The following ATP8A2 variants were observed in gnomAD, a reference collection of about 807,000 sequenced individuals.
The protein encoded by ATP8A2 is ATPase phospholipid transporting 8A2, also known as phospholipid-transporting ATPase IB.
In ATP8A2, 100 loss-of-function variants were observed where a neutral mutation model predicts 165.6. The ratio of observed to expected loss-of-function variants is 0.60; its 90% CI spans 0.51 to 0.71. The LOEUF is 0.71. Among genes scored for constraint, ATP8A2 ranks in the 30% least tolerant of loss-of-function variants. ATP8A2 has a pLI of 0.00. For missense variants in ATP8A2, 1,227 were observed against 1,479.5 expected (o/e 0.83, Z 2.80); for synonymous variants, 543 against 548.8 (o/e 0.99, Z 0.15).
intron 35 of ATP8A2, among the ~76,000 whole-genome samples, chr13:25,982,409 C>T (rs987245640): frequency 1.2e-4 from 19 of 152,126 alleles, no homozygotes; most frequent in African/African-American, 3.9e-4. Flanking sequence ...AAAGAGACAC[C>T]GGGGCTGGGT....
At chr13:25,419,814 C>T (rs2034246571) in intron 1 of ATP8A2, among the ~76,000 whole-genome samples, 1 of 151,660 alleles carries the variant, frequency 6.6e-6, no homozygotes, top group South Asian at 2.1e-4. Context: ...TTAAGTGGTG[C>T]AATGTGAATA....
chr13:25,401,687 G>A (rs146129133), intron 1 of ATP8A2, among the ~76,000 whole-genome samples: 271 of 152,196 alleles, frequency 1.8e-3, no homozygotes, highest in Non-Finnish European at 4.0e-4. Flanking sequence ...CACCCAGTAG[G>A]TACCGGAAAC....
At chr13:25,765,058 T>C (rs750080885) in intron 25 of ATP8A2, among the ~76,000 whole-genome samples, 49 of 152,334 alleles carry the variant, frequency 3.2e-4, no homozygotes, top group Non-Finnish European at 6.2e-4. Flanking sequence ...TTCACTAAAG[T>C]GTTATATTTG....
chr13:25,609,534 G>GGGATTCAAATACATATATATATATTT (rs2040604185), intron 24 of ATP8A2, among the ~76,000 whole-genome samples: 1 of 42,216 alleles, frequency 2.4e-5, no homozygotes, highest in Non-Finnish European at 7.2e-5. Flanking sequence ...ATATATATTT[G>GGGATTCAAATACATATATATATATTT]GGATTCAAAT....
chr13:25,593,636 A>AT (rs1202802854), intron 24 of ATP8A2, among the ~76,000 whole-genome samples: 4 of 152,018 alleles, frequency 2.6e-5, no homozygotes, highest in Admixed American at 6.6e-5. Flanking sequence ...GGCATCCTCA[A>AT]TTTTTTTTCC....
At position 25,762,297 on chromosome 13, in the gene ATP8A2, G is replaced by A. The variant is rs867861205; in HGVS notation, c.2385-6749G>A. ...AAAAAAAAAAAAAAAAAAAAAAAAA[G>A]CTGTCCCAGAAGGCCTAGAATGTTT... On this transcript the variant is annotated intron_variant, in intron 25 of 36. Transcript: ENST00000381655. Among the ~76,000 whole-genome samples the A allele has an allele frequency of 7.2e-3, 147 of 20,554 alleles. 1 individual carries two copies. Among genetic ancestry groups the A allele is most frequent in the Non-Finnish European group, 0.011 (85 of 8,076 alleles). 13.5% of individuals were successfully genotyped at this position (20,554 alleles called of 152,430 possible).
rs891820967 is a variant in ATP8A2 at position 25,996,600 on chromosome 13, C to T, written c.3378-15931C>T. Among the ~76,000 whole-genome samples the T allele has an allele frequency of 2.0e-5, 3 of 152,310 alleles. No homozygotes were observed. The Middle Eastern group carries it at 0.01, about 518-fold the overall frequency. ...AGTGTGGCGGTGTGATCTCAGCTCA[C>T]TGCAACCTCCGCACTCTGGCGTTCA... is the stretch of plus-strand genomic sequence containing the variant. On this transcript the variant is annotated intron_variant, in intron 35 of 36. Coordinates refer to ENST00000381655, the MANE Select transcript of ATP8A2 (RefSeq NM_016529.6).
chr13:25,657,429 T>G (rs751595121), intron 24 of ATP8A2, among the ~76,000 whole-genome samples: 10 of 152,104 alleles, frequency 6.6e-5, no homozygotes, highest in Non-Finnish European at 1.2e-4. Context: ...GACAGCAACA[T>G]AAATGTCTTT....
Position 25,542,054 on chromosome 13 carries a change from A to T in ATP8A2, c.779+8A>T. 1 of 1,613,448 alleles carries T rather than the reference A, an allele frequency of 6.2e-7. No individual in the cohort carries two copies. Among genetic ancestry groups the T allele is most frequent in the Non-Finnish European group, 8.5e-7 (1 of 1,179,566 alleles). On this transcript the variant is annotated splice_region_variant and intron_variant, in intron 9 of 36. Transcript: ENST00000381655. Reference sequence around the variant, plus strand: ...GAACTTAGATGGGAAAAGGTATTATATGCCTTTTCTTCATTGTCTTTTAAA... The same window carrying T: ...GAACTTAGATGGGAAAAGGTATTATTTGCCTTTTCTTCATTGTCTTTTAAA...
intron 33 of ATP8A2, among the ~76,000 whole-genome samples, chr13:25,924,492 C>T (rs550201503): frequency 6.6e-6 from 1 of 152,196 alleles, no homozygotes; most frequent in African/African-American, 2.4e-5. Flanking sequence ...GTGTCTGTGT[C>T]CAAATTTGCC....
intron 35 of ATP8A2, among the ~76,000 whole-genome samples, chr13:25,978,133 C>CCT (rs71188704): frequency 0.25 from 38,486 of 151,852 alleles, 5,483 homozygotes; most frequent in East Asian, 0.55. Flanking sequence ...ATATTTTAAT[C>CCT]TTTTTGGGGA....
intron 1 of ATP8A2, among the ~76,000 whole-genome samples, chr13:25,439,050 G>A (rs1400211509): frequency 2.0e-5 from 3 of 152,122 alleles, no homozygotes; most frequent in East Asian, 3.9e-4. Flanking sequence ...CAGAGACATC[G>A]AGCTATTTCT....
chr13:25,644,706 T>A (rs2041625353), intron 24 of ATP8A2, among the ~76,000 whole-genome samples: 2 of 152,182 alleles, frequency 1.3e-5, no homozygotes, highest in African/African-American at 2.4e-5. Flanking sequence ...ATAGAAGACT[T>A]CTTATTACTG....
intron 33 of ATP8A2, among the ~76,000 whole-genome samples, chr13:25,898,521 C>T (rs536806525): frequency 1.3e-3 from 192 of 152,322 alleles, no homozygotes; most frequent in African/African-American, 4.3e-3. Flanking sequence ...TCTCAAGCTG[C>T]GTGCTCGGAG....
At chr13:25,735,051 T>C (rs538895683) in intron 25 of ATP8A2, among the ~76,000 whole-genome samples, 2 of 152,314 alleles carry the variant, frequency 1.3e-5, no homozygotes, top group East Asian at 3.9e-4. Context: ...GTTGACTTGG[T>C]CTGTAGCACA....
chr13:25,732,757 T>A (rs1333306776), intron 25 of ATP8A2, among the ~76,000 whole-genome samples: 1 of 152,066 alleles, frequency 6.6e-6, no homozygotes, highest in African/African-American at 2.4e-5. Flanking sequence ...TTAGGAAAAA[T>A]ATATATAATT....
At chr13:25,981,842 C>T (rs1956174987) in intron 35 of ATP8A2, among the ~76,000 whole-genome samples, 1 of 151,928 alleles carries the variant, frequency 6.6e-6, no homozygotes, top group South Asian at 2.1e-4. Context: ...GAGAGTAAGG[C>T]ACATTTAATT....
At chr13:25,908,891 C>A (rs1296804951) in intron 33 of ATP8A2, among the ~76,000 whole-genome samples, 1 of 152,130 alleles carries the variant, frequency 6.6e-6, no homozygotes, top group Admixed American at 6.5e-5. Context: ...CAATGCTTAA[C>A]TTTTACAAAA....
chr13:25,963,613 A>G (rs1312847933), intron 34 of ATP8A2, among the ~76,000 whole-genome samples: 1 of 152,318 alleles, frequency 6.6e-6, no homozygotes, highest in East Asian at 1.9e-4. Context: ...AACTAGTAAC[A>G]TGATTATAAA....
Sources: gnomAD v4.1 joint callset for allele counts (sites outside exome capture counted in the v4.1 genomes callset) on GRCh38, gnomAD v4.1.1 for gene constraint, MANE v1.5 for transcripts, NCBI Gene and HGNC (gene_info 2026-07-23, HGNC 2026-07-21) for gene names.